SATL1: variants seen among roughly 807,000 people sequenced by gnomAD.
The protein encoded by SATL1 is spermidine/spermine N1-acetyl transferase like 1, also known as spermidine/spermine N(1)-acetyltransferase-like protein 1.
In SATL1, 47 loss-of-function variants were observed where a neutral mutation model predicts 51.8. The ratio of observed to expected loss-of-function variants is 0.91; its 90% confidence interval spans 0.72 to 1.16. The LOEUF is 1.16. Ranked by LOEUF, SATL1 falls within the 50% of genes most tolerant of loss-of-function variation. The pLI is 0.00. For missense variants in SATL1, 520 were observed against 526.4 expected, an observed-to-expected ratio of 0.99 and a Z score of 0.12; for synonymous variants, 176 against 182.4, an observed-to-expected ratio of 0.97 and a Z score of 0.28.
intron 2 of SATL1, chrX:85,209,971 A>C (rs1927876943): frequency 9.1e-6 from 1 of 110,222 alleles, no homozygotes; most frequent in Admixed American, 9.8e-5. Flanking sequence ...GTGGACATTT[A>C]GTGCTATAAA....
intron 1 of SATL1, among the ~76,000 whole-genome samples, chrX:85,238,515 T>C (rs1305355554): frequency 9.0e-6 from 1 of 111,082 alleles, no homozygotes; most frequent in Non-Finnish European, 1.9e-5. Flanking sequence ...ATTAAAACAA[T>C]TGAACTCATG....
chrX:85,118,347 G>A (rs977544128), intron 2 of SATL1: 1 of 110,149 alleles, frequency 9.1e-6, no homozygotes, highest in Admixed American at 9.8e-5. Context: ...CCACACACCA[G>A]TCTTGTATTT....
At chrX:85,241,595 C>T (rs980351608) in intron 1 of SATL1, among the ~76,000 whole-genome samples, 13 of 111,490 alleles carry the variant, frequency 1.2e-4, no homozygotes, top group Non-Finnish European at 3.8e-5. Flanking sequence ...TAAGTATTGG[C>T]CAAATATCTA....
At chrX:85,200,125 T>A (rs891924603) in intron 2 of SATL1, among the ~76,000 whole-genome samples, 6 of 111,188 alleles carry the variant, frequency 5.4e-5, no homozygotes, top group Admixed American at 4.8e-4. Flanking sequence ...TGAATAAGTA[T>A]AAATGACCAG....
At chrX:85,191,781 T>C (rs1280685351) in intron 2 of SATL1, among the ~76,000 whole-genome samples, 1 of 111,514 alleles carries the variant, frequency 9.0e-6, no homozygotes, top group Non-Finnish European at 1.9e-5. Context: ...TTGAGTAGGC[T>C]GAGGAGGAGG....
At chrX:85,151,030 C>G (rs1926418230) in intron 2 of SATL1, among the ~76,000 whole-genome samples, 1 of 110,311 alleles carries the variant, frequency 9.1e-6, no homozygotes, top group Non-Finnish European at 1.9e-5. Flanking sequence ...CAAATTGTCC[C>G]TGTTTGCAGA....
At chrX:85,160,290 A>C (rs1926689926) in intron 2 of SATL1, among the ~76,000 whole-genome samples, 1 of 111,467 alleles carries the variant, frequency 9.0e-6, no homozygotes, top group Admixed American at 9.6e-5. Flanking sequence ...TCTTTCCTCC[A>C]AACAACCACA....
At chrX:85,172,555 C>T (rs1250243640) in intron 2 of SATL1, among the ~76,000 whole-genome samples, 2 of 111,113 alleles carry the variant, frequency 1.8e-5, no homozygotes, top group Non-Finnish European at 3.8e-5. Context: ...TTCAAATGTC[C>T]TACCATTCTT....
At chrX:85,137,829 G>A (rs1926000944) in intron 2 of SATL1, among the ~76,000 whole-genome samples, 1 of 110,421 alleles carries the variant, frequency 9.1e-6, no homozygotes, top group African/African-American at 3.3e-5. Flanking sequence ...CAGTTCTTAG[G>A]TATTCTACTT....
chrX:85,097,887 C>T (rs760757202), intron 4 of SATL1, among the ~76,000 whole-genome samples: 58 of 110,987 alleles, frequency 5.2e-4, no homozygotes, highest in Non-Finnish European at 9.4e-4. Context: ...ATAAAACACA[C>T]GAAAAGGACT....
chrX:85,096,035 A>T (rs1569463594), intron 4 of SATL1, among the ~76,000 whole-genome samples: 1 of 110,405 alleles, frequency 9.1e-6, no homozygotes, highest in Non-Finnish European at 1.9e-5. Flanking sequence ...AATCACAAGA[A>T]ATGATGGTCA....
chrX:85,193,568 T>G (rs1448486645), intron 2 of SATL1, among the ~76,000 whole-genome samples: 1 of 111,766 alleles, frequency 8.9e-6, no homozygotes, highest in Non-Finnish European at 1.9e-5. Flanking sequence ...GTTTGTTACA[T>G]AGGTGAACTT....
In SATL1 at chrX:85,107,915, G is replaced by A. The variant is rs766006281; in HGVS notation, c.1054C>T (p.Pro352Ser). ...SEASISQPGP[P>S]QRAPSQSGPR... is the part of the protein sequence containing the mutation. ...CCTGATTGGCTTGGGGCTCGTTGCG[G>A]TGGACCTGGTTGGCTTATGCTTGCT... is the stretch of plus-strand genomic sequence containing the variant. Residue 352 changes from proline to serine, a missense_variant, in exon 3 of 8, where the codon CCG becomes TCG. Physicochemically the swap from Pro to Ser is moderately conservative, Grantham distance 74. Coordinates refer to ENST00000644105, the MANE Select transcript of SATL1 (RefSeq NM_001367857.2). 1.7e-5 allele frequency: 20 copies of A among 1,207,093 alleles called. No individual in the cohort carries two copies. In the South Asian group the frequency reaches 3.5e-4, roughly 21 times the overall value.
intron 2 of SATL1, chrX:85,210,440 C>A (rs1255274045): frequency 9.3e-6 from 1 of 106,975 alleles, no homozygotes; most frequent in Non-Finnish European, 1.9e-5. Context: ...ACACAGCCAT[C>A]CCTCTACATT....
In SATL1 at chrX:85,243,713, T is replaced by C. The variant is rs1928705302; in HGVS notation, c.-560A>G. On this transcript the variant is annotated 5_prime_UTR_variant, in exon 1 of 8. Transcript: ENST00000644105. The stretch of plus-strand genomic sequence containing the variant: ...TGATTATCCTCCTCCCTTTCTTCGT[T>C]TCCCTTGGGAAACCTGGAAAACAGA... 9.1e-6 allele frequency: 1 copy of C among 110,102 alleles called. No homozygotes were observed. The highest frequency in any genetic ancestry group is 3.3e-5 in the African/African-American group (1 of 30,179). The allele number at this position is 110,102 out of a possible 1,213,427, so 9.1% of individuals were successfully genotyped here. A position where few individuals can be genotyped will look rare whatever the true frequency, so the allele number is the denominator to read the frequency against.
In SATL1 at chrX:85,093,240, A is replaced by G. The variant is rs1344228677; in HGVS notation, c.1877-15T>C. On this transcript the variant is annotated splice_polypyrimidine_tract_variant and intron_variant, in intron 6 of 7. Transcript: ENST00000644105. ...AATACCTAGGCCTTTTAAATAGACA[A>G]TGCAAAGTGAAAACTGCAAATTTCA... is the stretch of plus-strand genomic sequence containing the variant. The G allele has an allele frequency of 1.7e-6, 2 of 1,156,155 alleles. No individual in the cohort carries two copies. Among genetic ancestry groups the G allele is most frequent in the East Asian group, 3.3e-5 (1 of 30,562 alleles).
intron 1 of SATL1, among the ~76,000 whole-genome samples, chrX:85,242,918 A>T (rs1003472039): frequency 1.8e-5 from 2 of 111,884 alleles, no homozygotes; most frequent in Non-Finnish European, 1.9e-5. Flanking sequence ...TGTGACAGAG[A>T]CGCTATAGCC....
At chrX:85,173,671 C>G (rs1315661877) in intron 2 of SATL1, among the ~76,000 whole-genome samples, 1 of 110,672 alleles carries the variant, frequency 9.0e-6, no homozygotes, top group Non-Finnish European at 1.9e-5. Context: ...AACACTTAAA[C>G]ACACACGTTA....
At chrX:85,188,441 G>A (rs1417525689) in intron 2 of SATL1, among the ~76,000 whole-genome samples, 1 of 111,458 alleles carries the variant, frequency 9.0e-6, no homozygotes, top group Non-Finnish European at 1.9e-5. Flanking sequence ...AAAAATAATT[G>A]TAATATCAAT....
Sources: gnomAD v4.1 joint callset for allele counts (sites outside exome capture counted in the v4.1 genomes callset) on GRCh38, gnomAD v4.1.1 for gene constraint, MANE v1.5 for transcripts, NCBI Gene and HGNC (gene_info 2026-07-23, HGNC 2026-07-21) for gene names.